TRIM54: variants seen among roughly 807,000 people sequenced by gnomAD.
The protein encoded by TRIM54 is tripartite motif containing 54, also known as tripartite motif-containing protein 54.
Under a neutral mutation model 42.0 loss-of-function variants are expected in TRIM54, and 40 were observed. That is an observed-to-expected ratio of 0.95 (90% CI 0.74 to 1.24). The LOEUF (loss-of-function observed/expected upper bound fraction) is 1.24, where lower values mean the gene tolerates loss of function less well. TRIM54 is among the 50% of genes most tolerant of loss of function. The probability of loss-of-function intolerance (pLI) is 0.00; values close to 1 mark genes in which losing one functional copy is unlikely to be tolerated. For missense variants in TRIM54, 485 were observed against 480.3 expected (o/e 1.01, Z -0.09); for synonymous variants, 199 against 194.9 (o/e 1.02, Z -0.17).
In TRIM54 at chr2:27,299,257, C is replaced by T; in HGVS notation, c.354C>T (p.Ser118=). The change falls in exon 3 of 9, where the codon TCC becomes TCT. Residue 118 remains serine (S), a synonymous_variant. Transcript: ENST00000380075. ...YKQESSRPLH[S]KAEQHLMCEE... ...CACTCCTCTCTAGGCCGCTGCACTC[C>T]AAGGCTGAGCAGCACCTCATGTGCG... The T allele has an allele frequency of 6.2e-7, 1 of 1,613,974 alleles. No homozygotes were observed.
intron 1 of TRIM54, among the ~76,000 whole-genome samples, chr2:27,291,871 G>C (rs370295500): frequency 2.0e-5 from 3 of 152,156 alleles, no homozygotes; most frequent in Admixed American, 2.0e-4. Flanking sequence ...CTGGGACTGG[G>C]GGATGAAAGC....
rs370527172 is a variant in TRIM54, at chr2:27,284,376, G to A, written c.168+1477G>A. ...GTCAGGCCATCCCACAATGTACCCT[G>A]TGACCCACACCTTGTGTGTCTGCTC... is the stretch of plus-strand genomic sequence containing the variant. On this transcript the variant is annotated intron_variant, in intron 1 of 8. Coordinates refer to ENST00000380075, the MANE Select transcript of TRIM54 (RefSeq NM_187841.3). Among the ~76,000 whole-genome samples the A allele has an allele frequency of 2.0e-5, 3 of 152,174 alleles. No homozygotes were observed. In the South Asian group the frequency reaches 6.2e-4, roughly 32 times the overall value.
chr2:27,283,776 A>ATG (rs1678464278), intron 1 of TRIM54, among the ~76,000 whole-genome samples: 1 of 105,398 alleles, frequency 9.5e-6, no homozygotes, highest in African/African-American at 4.1e-5. Context: ...ACACACACAC[A>ATG]CACGCGCGCA....
intron 1 of TRIM54, among the ~76,000 whole-genome samples, chr2:27,296,631 G>A (rs78552607): frequency 0.022 from 3,366 of 152,200 alleles, 125 homozygotes; most frequent in African/African-American, 0.076. Flanking sequence ...GGGAGGAGCA[G>A]GGCATGCCCC....
At position 27,306,388 on chromosome 2, in the gene TRIM54, G is replaced by T. The variant is rs767975522; in HGVS notation, c.991+51G>T. On this transcript the variant is annotated intron_variant, in intron 7 of 8. Transcript: ENST00000380075. The surrounding 1 kb of genome is among the most constrained non-coding windows in gnomAD (Gnocchi z 6.1). ...GAGACGGGTTCGGACCCTCTGTGTG[G>T]GGGGTGCGGCGGGCACGATGGCCGT... 1.9e-6 allele frequency: 3 copies of T among 1,613,642 alleles called. No individual in the cohort carries two copies. In the South Asian group the frequency reaches 3.3e-5, roughly 18 times the overall value.
chr2:27,304,794 G>C (rs1394607323), intron 3 of TRIM54, 165 bp from the exon 4 acceptor site: 4 of 533,852 alleles, frequency 7.5e-6, no homozygotes, highest in African/African-American at 1.9e-5. Context: ...TCACTAGAAT[G>C]TGCTTCCGTA....
intron 3 of TRIM54, among the ~76,000 whole-genome samples, chr2:27,300,264 C>A (rs1211788433): frequency 6.6e-6 from 1 of 152,254 alleles, no homozygotes; most frequent in South Asian, 2.1e-4. Context: ...CTCTGCCTCG[C>A]AGGTTCAAGC....
In TRIM54 at chr2:27,306,901, GA is replaced by G; in HGVS notation, c.*17del. ...CCCGGGCACAGGCCTGCGCCGACCC[GA>G]CCCTGCTCGAGAGCCCGCGCTAGAG... On this transcript the variant is annotated 3_prime_UTR_variant, in exon 9 of 9. Transcript: ENST00000380075. The surrounding 1 kb of genome is among the most constrained non-coding windows in gnomAD (Gnocchi z 6.1). 2.9e-6 allele frequency: 1 copy of G among 345,294 alleles called. No homozygotes were observed. The highest frequency in any genetic ancestry group is 5.8e-5 in the East Asian group (1 of 17,240). 21.4% of individuals were successfully genotyped at this position (345,294 alleles called of 1,614,324 possible). A position where few individuals can be genotyped will look rare whatever the true frequency, so the allele number is the denominator to read the frequency against.
chr2:27,296,649 A>G (rs1434815889), intron 1 of TRIM54, among the ~76,000 whole-genome samples: 2 of 152,156 alleles, frequency 1.3e-5, no homozygotes, highest in African/African-American at 4.8e-5. Context: ...CCCTCCCATG[A>G]AAGACGGTTT....
intron 3 of TRIM54, chr2:27,299,710 A>ATCTATCTG: frequency 6.6e-6 from 4 of 609,728 alleles, no homozygotes; most frequent in Non-Finnish European, 8.6e-6. Context: ...CTATCTATCT[A>ATCTATCTG]TCTATCATAT....
At position 27,282,578 on chromosome 2, in the gene TRIM54, C is replaced by T. The variant is rs77326953; in HGVS notation, c.-154C>T. The T allele has an allele frequency of 1.4e-5, 11 of 759,894 alleles. No individual in the cohort carries two copies. Among genetic ancestry groups the T allele is most frequent in the African/African-American group, 3.6e-5 (2 of 56,260 alleles). 47.1% of individuals were successfully genotyped at this position (759,894 alleles called of 1,614,324 possible). ...ACTGTCCGAAGACTGCTATCTGGGACGAGACAAGTTGTTAAAGGGACAGGA... is the reference window on the plus strand; with the variant it reads ...ACTGTCCGAAGACTGCTATCTGGGATGAGACAAGTTGTTAAAGGGACAGGA... On this transcript the variant is annotated 5_prime_UTR_variant, in exon 1 of 9. The change creates a new upstream start codon in the 5' untranslated region. Coordinates refer to ENST00000380075, the MANE Select transcript of TRIM54 (RefSeq NM_187841.3).
intron 1 of TRIM54, among the ~76,000 whole-genome samples, chr2:27,284,041 G>A (rs944070119): frequency 7.9e-5 from 12 of 152,122 alleles, no homozygotes; most frequent in Non-Finnish European, 1.3e-4. Context: ...GCTGAGGCAG[G>A]AGAATCACTT....
intron 3 of TRIM54, among the ~76,000 whole-genome samples, chr2:27,303,879 A>G (rs1454426913): frequency 6.6e-6 from 1 of 152,040 alleles, no homozygotes; most frequent in East Asian, 1.9e-4. Flanking sequence ...TTAAAAAAAG[A>G]TGAAAAATTT....
In TRIM54 at chr2:27,299,884, G is replaced by C. The variant is rs377464818; in HGVS notation, c.513+468G>C. Among the ~76,000 whole-genome samples, 8 of 148,944 alleles carry C rather than the reference G, an allele frequency of 5.4e-5. No individual in the cohort carries two copies. In the East Asian group the frequency reaches 1.6e-3, roughly 30 times the overall value. On this transcript the variant is annotated intron_variant, in intron 3 of 8. Transcript: ENST00000380075. ...CCACACCCAGCTTTTTTGTTTTTTG[G>C]TTTTTTTTTGACTCCTGGCCTCATG... is the stretch of plus-strand genomic sequence containing the variant.
At chr2:27,299,742 G>A (rs1678979429) in intron 3 of TRIM54, 1 of 604,990 alleles carries the variant, frequency 1.7e-6, no homozygotes, top group Non-Finnish European at 2.9e-6. Flanking sequence ...GTCTCGCTCT[G>A]TCGCCCAGGC....
At chr2:27,297,469 G>A (rs1678896682) in intron 1 of TRIM54, among the ~76,000 whole-genome samples, 1 of 152,214 alleles carries the variant, frequency 6.6e-6, no homozygotes, top group African/African-American at 2.4e-5. Flanking sequence ...GGCAAGAGAT[G>A]TAAGCCGGAG....
intron 1 of TRIM54, among the ~76,000 whole-genome samples, chr2:27,284,996 A>G (rs1021311007): frequency 6.6e-6 from 1 of 152,170 alleles, no homozygotes; most frequent in Non-Finnish European, 1.5e-5. Context: ...AGACCTTGGA[A>G]TGGCTTGGGG....
intron 3 of TRIM54, among the ~76,000 whole-genome samples, chr2:27,304,213 AATAT>A (rs569439363): frequency 0.012 from 1,528 of 131,994 alleles, 33 homozygotes; most frequent in African/African-American, 0.044. Context: ...CCTTGTCTCA[AATAT>A]ATATATATAG....
In TRIM54 at chr2:27,305,708, G is replaced by C. The variant is rs752760219; in HGVS notation, c.734G>C (p.Arg245Pro). The change falls in exon 5 of 9, where the codon CGC (arginine) becomes CCC (proline). Residue 245 changes from arginine to proline, a missense_variant. Physicochemically the swap from Arg to Pro is moderately radical, Grantham distance 103. Coordinates refer to ENST00000380075, the MANE Select transcript of TRIM54 (RefSeq NM_187841.3). ...LAREQEEKLQ[R>P]VRGLIRQYGD... ...CGGGAGCAAGAGGAGAAGCTGCAGC[G>C]CGTCCGCGGCCTCATCCGTCAGTAT... 6.2e-7 allele frequency: 1 copy of C among 1,612,414 alleles called. No homozygotes were observed. Among genetic ancestry groups the C allele is most frequent in the Non-Finnish European group, 8.5e-7 (1 of 1,179,394 alleles).
Sources: allele counts gnomAD v4.1 joint callset (sites outside exome capture counted in the v4.1 genomes callset), GRCh38; gene constraint gnomAD v4.1.1; non-coding constraint Gnocchi (gnomAD v3.1); transcripts MANE v1.5; gene names NCBI Gene and HGNC (gene_info 2026-07-23, HGNC 2026-07-21).